The following GRIA2 variants were observed in gnomAD, a reference collection of about 807,000 sequenced individuals.
GRIA2 encodes the protein glutamate ionotropic receptor AMPA type subunit 2, also known as glutamate receptor 2.
GRIA2 carries 14 observed loss-of-function variants against 97.3 expected under a neutral mutation model. The ratio of observed to expected loss-of-function variants is 0.14; its 90% CI spans 0.10 to 0.23. The LOEUF is 0.23. GRIA2 is among the 10% of genes least tolerant of loss of function. The pLI, the probability that GRIA2 is intolerant of heterozygous loss-of-function variation, is 1.00. For missense variants in GRIA2, 558 were observed against 1,069.8 expected, an observed-to-expected ratio of 0.52 and a Z score of 6.67; for synonymous variants, 412 against 387.8, an observed-to-expected ratio of 1.06 and a Z score of -0.73.
intron 2 of GRIA2, among the ~76,000 whole-genome samples, chr4:157,259,072 AT>A (rs1731411488): frequency 6.6e-6 from 1 of 151,916 alleles, no homozygotes; most frequent in South Asian, 2.1e-4. Flanking sequence ...AATATAAAAA[AT>A]AAAACATACG....
chr4:157,252,077 C>T (rs1050003844), intron 2 of GRIA2, among the ~76,000 whole-genome samples: 4 of 152,054 alleles, frequency 2.6e-5, no homozygotes, highest in Non-Finnish European at 4.4e-5. Flanking sequence ...ACAAAAAATC[C>T]CTCAAAACAA....
chr4:157,330,709 A>C (rs1198766180), intron 6 of GRIA2, among the ~76,000 whole-genome samples: 1 of 152,020 alleles, frequency 6.6e-6, no homozygotes, highest in Non-Finnish European at 1.5e-5. Context: ...TTTAAAGCAA[A>C]GTAAAAAGCA....
intron 2 of GRIA2, among the ~76,000 whole-genome samples, chr4:157,269,375 G>A (rs889514139): frequency 6.6e-5 from 10 of 151,948 alleles, no homozygotes; most frequent in African/African-American, 2.4e-4. Context: ...TCCCCAAAAC[G>A]GTTCTGAGAA....
intron 12 of GRIA2, among the ~76,000 whole-genome samples, chr4:157,355,899 AT>A (rs1464396357): frequency 5.8e-4 from 2 of 3,430 alleles, no homozygotes; most frequent in Non-Finnish European, 7.4e-4. Flanking sequence ...ATATTTATAT[AT>A]AAATATATAT....
chr4:157,266,818 G>C (rs1399591768), intron 2 of GRIA2, among the ~76,000 whole-genome samples: 3 of 152,076 alleles, frequency 2.0e-5, no homozygotes, highest in Non-Finnish European at 2.9e-5. Flanking sequence ...TGTAATCCCA[G>C]AACTTTGAAG....
intron 2 of GRIA2, among the ~76,000 whole-genome samples, chr4:157,290,366 G>A (rs1733039423): frequency 6.6e-6 from 1 of 151,848 alleles, no homozygotes; most frequent in Non-Finnish European, 1.5e-5. Context: ...AGCATGAGAT[G>A]TGCTGAGTAA....
intron 6 of GRIA2, among the ~76,000 whole-genome samples, chr4:157,322,322 C>A (rs1734614806): frequency 6.6e-6 from 1 of 151,124 alleles, no homozygotes; most frequent in African/African-American, 2.4e-5. Context: ...CTCTTGAACA[C>A]TTTAAAAAGA....
At position 157,345,469 on chromosome 4, in the gene GRIA2, G is replaced by A. The variant is rs575233802; in HGVS notation, c.2043+4007G>A. ...CATACCTATAATTAAGAGAGAATTA[G>A]CCTCTCAATTATAAGCCACTATTTT... On this transcript the variant is annotated intron_variant, in intron 12 of 15. Transcript: ENST00000264426. 1.1e-3 allele frequency among the ~76,000 whole-genome samples: 164 copies of A among 152,146 alleles called. 1 individual carries two copies. Among genetic ancestry groups the A allele is most frequent in the Non-Finnish European group, 2.0e-3 (135 of 67,976 alleles).
chr4:157,331,182 AG>A (rs1735032070), intron 6 of GRIA2, among the ~76,000 whole-genome samples: 1 of 151,992 alleles, frequency 6.6e-6, no homozygotes, highest in Non-Finnish European at 1.5e-5. Context: ...CATTTGAAAA[AG>A]GTTGAAAGGA....
At position 157,365,417 on chromosome 4, in the gene GRIA2, A is replaced by G. The variant is rs1026725728; in HGVS notation, c.*1986A>G. The G allele has an allele frequency of 6.6e-6, 1 of 152,072 alleles. No individual in the cohort carries two copies. Among genetic ancestry groups the G allele is most frequent in the East Asian group, 1.9e-4 (1 of 5,172 alleles). 9.4% of individuals were successfully genotyped at this position (152,072 alleles called of 1,614,324 possible). ...TTAAAAGTGAAAAAGAAATGACTAT[A>G]TACAATCAATGCTATTTATTGTACC... On this transcript the variant is annotated 3_prime_UTR_variant, in exon 16 of 16. Transcript: ENST00000264426.
chr4:157,312,991 T>C (rs1048496516), intron 4 of GRIA2, 116 bp downstream of exon 4: 4 of 565,548 alleles, frequency 7.1e-6, no homozygotes, highest in Non-Finnish European at 1.2e-5. Context: ...TTATGTTTTA[T>C]GTCGGATGCA....
At chr4:157,292,690 G>A (rs1379275360) in intron 2 of GRIA2, among the ~76,000 whole-genome samples, 2 of 152,038 alleles carry the variant, frequency 1.3e-5, no homozygotes, top group Non-Finnish European at 2.9e-5. Context: ...ATGATTAATA[G>A]AGGAAACTAT....
intron 2 of GRIA2, among the ~76,000 whole-genome samples, chr4:157,277,128 C>A (rs1217832500): frequency 1.3e-5 from 2 of 151,644 alleles, no homozygotes; most frequent in African/African-American, 4.8e-5. Flanking sequence ...AACATAGACA[C>A]AAAAATAATT....
At chr4:157,355,893 T>TTATATA (rs1159665827) in intron 12 of GRIA2, among the ~76,000 whole-genome samples, 2 of 12,960 alleles carry the variant, frequency 1.5e-4, no homozygotes, top group African/African-American at 7.0e-4. Context: ...ATTAATATAT[T>TTATATA]TATATATAAA....
chr4:157,221,675 T>C lies in GRIA2; in HGVS notation c.97T>C (p.Phe33Leu). Residue 33 changes from phenylalanine to leucine, a missense_variant, in exon 2 of 16, where the codon TTT (phenylalanine) becomes CTT (leucine). Coordinates refer to ENST00000264426, the MANE Select transcript of GRIA2 (RefSeq NM_001083619.3). ...CTGTTTGTTCTTTGCAGGGGGGCTA[T>C]TTCCTAGGGGCGCCGATCAAGAATA... The part of the protein sequence containing the change: ...SSNSIQIGGL[F>L]PRGADQEYSA... The C allele has an allele frequency of 6.2e-7, 1 of 1,614,106 alleles. No individual in the cohort carries two copies. Among genetic ancestry groups the C allele is most frequent in the Non-Finnish European group, 8.5e-7 (1 of 1,179,982 alleles).
intron 6 of GRIA2, among the ~76,000 whole-genome samples, chr4:157,326,293 G>A (rs1014769354): frequency 2.6e-5 from 4 of 152,096 alleles, no homozygotes; most frequent in Non-Finnish European, 5.9e-5. Flanking sequence ...CACCATCAGG[G>A]TTTGTGCATC....
At chr4:157,259,383 T>C (rs1229599613) in intron 2 of GRIA2, among the ~76,000 whole-genome samples, 1 of 152,124 alleles carries the variant, frequency 6.6e-6, no homozygotes, top group African/African-American at 2.4e-5. Context: ...CAAATCATTT[T>C]GCTTGTTTGC....
chr4:157,333,073 C>A, intron 7 of GRIA2, 87 bp downstream of exon 7: 1 of 1,124,792 alleles, frequency 8.9e-7, no homozygotes, highest in Non-Finnish European at 1.3e-6. Flanking sequence ...TGTCTTATTC[C>A]TTGTGTCTAA....
chr4:157,352,792 C>T (rs1029569932), intron 12 of GRIA2, among the ~76,000 whole-genome samples: 1 of 151,120 alleles, frequency 6.6e-6, no homozygotes, highest in Non-Finnish European at 1.5e-5. Flanking sequence ...GTGGTGCACA[C>T]CCATAATCCC....
Sources: gnomAD v4.1 joint callset for allele counts (sites outside exome capture counted in the v4.1 genomes callset) on GRCh38, gnomAD v4.1.1 for gene constraint, MANE v1.5 for transcripts, NCBI Gene and HGNC (gene_info 2026-07-23, HGNC 2026-07-21) for gene names.